The following RBFOX1 variants were observed in gnomAD, a reference collection of about 807,000 sequenced individuals.
The protein encoded by RBFOX1 is RNA binding fox-1 homolog 1.
RBFOX1 carries 8 observed loss-of-function variants against 57.7 expected under a neutral mutation model. The ratio of observed to expected loss-of-function variants is 0.14; its 90% CI spans 0.08 to 0.25. RBFOX1 has a LOEUF of 0.25. Ranked by LOEUF, RBFOX1 falls within the 10% of genes least tolerant of loss-of-function variation. The pLI is 1.00. For synonymous variants in RBFOX1, 326 were observed against 222.4 expected (o/e 1.47, Z -4.15); for missense variants, 611 against 548.5 (o/e 1.11, Z -1.14).
chr16:6,776,705 C>G (rs1428619163), intron 3 of RBFOX1, among the ~76,000 whole-genome samples: 1 of 152,154 alleles, frequency 6.6e-6, no homozygotes, highest in Non-Finnish European at 1.5e-5. Context: ...CCCATGCCTG[C>G]CAGGATGCAC....
chr16:5,728,138 A>G (rs900352480), intron 3 of RBFOX1, among the ~76,000 whole-genome samples: 1 of 152,240 alleles, frequency 6.6e-6, no homozygotes, highest in African/African-American at 2.4e-5. Flanking sequence ...CACAATCTCA[A>G]AGAGATATCT....
intron 3 of RBFOX1, among the ~76,000 whole-genome samples, chr16:6,739,767 C>T (rs576455216): frequency 6.6e-6 from 1 of 152,160 alleles, no homozygotes; most frequent in East Asian, 1.9e-4. Context: ...GTCTCGGCTC[C>T]TCGGGAGGCT....
At chr16:5,502,731 A>G (rs935247846) in intron 2 of RBFOX1, among the ~76,000 whole-genome samples, 4 of 152,104 alleles carry the variant, frequency 2.6e-5, no homozygotes, top group African/African-American at 4.8e-5. Flanking sequence ...CTGTCTGCAG[A>G]TGTCTGCAGA....
intron 2 of RBFOX1, among the ~76,000 whole-genome samples, chr16:5,539,191 C>G (rs2044829155): frequency 6.6e-6 from 1 of 152,106 alleles, no homozygotes; most frequent in South Asian, 2.1e-4. Context: ...GAGAATGGGT[C>G]CAGGTCAGGT....
At chr16:5,315,862 G>A (rs979280538) in intron 1 of RBFOX1, among the ~76,000 whole-genome samples, 8 of 152,048 alleles carry the variant, frequency 5.3e-5, no homozygotes, top group African/African-American at 1.9e-4. Context: ...GCCTGTAGAC[G>A]CACCCTGATG....
At chr16:6,783,329 T>C (rs2081348101) in intron 3 of RBFOX1, among the ~76,000 whole-genome samples, 4 of 151,460 alleles carry the variant, frequency 2.6e-5, no homozygotes, top group African/African-American at 7.2e-5. Context: ...TTTTTTTTTC[T>C]TCTTGTCTTC....
chr16:6,930,440 C>T (rs1597525357), intron 3 of RBFOX1, among the ~76,000 whole-genome samples: 1 of 152,108 alleles, frequency 6.6e-6, no homozygotes, highest in African/African-American at 2.4e-5. Flanking sequence ...GAAACAGTCT[C>T]ACTCTGTCAC....
intron 2 of RBFOX1, among the ~76,000 whole-genome samples, chr16:6,481,523 T>G (rs540062050): frequency 2.6e-5 from 4 of 152,342 alleles, no homozygotes; most frequent in Admixed American, 2.6e-4. Flanking sequence ...TGAACTGATT[T>G]GTGAATCAAA....
intron 3 of RBFOX1, among the ~76,000 whole-genome samples, chr16:6,840,543 A>C (rs1039794792): frequency 6.6e-6 from 1 of 151,968 alleles, no homozygotes; most frequent in African/African-American, 2.4e-5. Context: ...GATCTTTGGG[A>C]GGTGATGGGG....
At chr16:5,899,518 G>C (rs1280127533) in intron 4 of RBFOX1, among the ~76,000 whole-genome samples, 1 of 152,172 alleles carries the variant, frequency 6.6e-6, no homozygotes. Context: ...TAGGAAGAGT[G>C]GGGCCACTCT....
At chr16:7,364,720 A>C (rs906258015) in intron 4 of RBFOX1, among the ~76,000 whole-genome samples, 1 of 152,150 alleles carries the variant, frequency 6.6e-6, no homozygotes, top group Non-Finnish European at 1.5e-5. Context: ...CTCTGGTTAA[A>C]ATTTGAAGTC....
chr16:7,559,369 T>C (rs1046184229), intron 5 of RBFOX1, among the ~76,000 whole-genome samples: 1 of 152,150 alleles, frequency 6.6e-6, no homozygotes, highest in Non-Finnish European at 1.5e-5. Flanking sequence ...CTTTATATAT[T>C]CTCATAGAAA....
intron 3 of RBFOX1, among the ~76,000 whole-genome samples, chr16:6,706,547 C>G (rs1338948069): frequency 6.6e-6 from 1 of 152,092 alleles, no homozygotes; most frequent in African/African-American, 2.4e-5. Flanking sequence ...TGCATGGGGA[C>G]AAAACAGATT....
intron 3 of RBFOX1, among the ~76,000 whole-genome samples, chr16:5,856,044 T>C (rs867176428): frequency 2.8e-5 from 4 of 145,004 alleles, no homozygotes; most frequent in Non-Finnish European, 6.0e-5. Flanking sequence ...CAGTAGTTCA[T>C]TCTTTGTGTA....
chr16:7,115,901 A>C (rs1484187420), intron 4 of RBFOX1, among the ~76,000 whole-genome samples: 1 of 152,242 alleles, frequency 6.6e-6, no homozygotes. Context: ...ATAAAATAGC[A>C]GTGATGCGTA....
intron 4 of RBFOX1, among the ~76,000 whole-genome samples, chr16:7,313,151 C>T (rs906013173): frequency 6.6e-6 from 1 of 152,188 alleles, no homozygotes; most frequent in African/African-American, 2.4e-5. Flanking sequence ...CACAAAAGCG[C>T]CTCCTGAAAG....
At chr16:6,562,361 T>G (rs897333047) in intron 2 of RBFOX1, among the ~76,000 whole-genome samples, 12 of 152,206 alleles carry the variant, frequency 7.9e-5, no homozygotes, top group African/African-American at 2.7e-4. Flanking sequence ...TTCTTGTGAG[T>G]GAAATAGTAT....
intron 3 of RBFOX1, chr16:6,723,754 G>C (rs1264280906): frequency 6.6e-6 from 1 of 152,040 alleles, no homozygotes; most frequent in Admixed American, 6.6e-5. Context: ...TTTGCAGTTA[G>C]ACAGGAACCT....
intron 4 of RBFOX1, among the ~76,000 whole-genome samples, chr16:7,240,249 G>A (rs1404035688): frequency 6.6e-6 from 1 of 152,110 alleles, no homozygotes; most frequent in Non-Finnish European, 1.5e-5. Context: ...TTACAGGTAT[G>A]AGCCGATGCA....
Sources: allele counts gnomAD v4.1 joint callset (sites outside exome capture counted in the v4.1 genomes callset), GRCh38; gene constraint gnomAD v4.1.1; transcripts MANE v1.5; gene names NCBI Gene and HGNC (gene_info 2026-07-23, HGNC 2026-07-21).